The following UBXN8 variants were observed in gnomAD, a reference collection of about 807,000 sequenced individuals.
UBXN8 encodes the protein UBX domain-containing protein 8.
UBXN8 carries 27 observed loss-of-function variants against 32.1 expected under a neutral mutation model. The observed-to-expected ratio is 0.84, with a 90% CI of 0.62 to 1.16. The LOEUF is 1.16. Among genes scored for constraint, UBXN8 ranks in the 50% most tolerant of loss-of-function variants. The pLI, the probability that UBXN8 is intolerant of heterozygous loss-of-function variation, is 0.00. For synonymous variants in UBXN8, 109 were observed against 111.8 expected (o/e 0.98, Z 0.16); for missense variants, 306 against 311.4 (o/e 0.98, Z 0.13).
intron 1 of UBXN8, among the ~76,000 whole-genome samples, chr8:30,750,135 C>A (rs1409523129): frequency 1.3e-5 from 2 of 152,022 alleles, no homozygotes; most frequent in Non-Finnish European, 2.9e-5. Flanking sequence ...CCCTCTGTAT[C>A]CCTGAGTTCC....
At chr8:30,732,391 T>C (rs1306915056), upstream of UBXN8, 1 of 385,226 alleles carries the variant, frequency 2.6e-6, no homozygotes. Context: ...TGGGATTTAC[T>C]ATCCGACGGG....
intron 7 of UBXN8, 69 bp downstream of exon 7, chr8:30,763,416 TG>T: frequency 2.1e-6 from 3 of 1,437,240 alleles, no homozygotes; most frequent in Non-Finnish European, 2.9e-6. Context: ...TCACATGCCG[TG>T]GGGGAAGGTG....
chr8:30,755,009 T>G (rs1407795970), intron 4 of UBXN8, among the ~76,000 whole-genome samples: 1 of 150,994 alleles, frequency 6.6e-6, no homozygotes, highest in Non-Finnish European at 1.5e-5. Flanking sequence ...AGGCTGGAGT[T>G]CAGTGGCACA....
chr8:30,729,878 G>GT (rs1162271296), upstream of UBXN8, among the ~76,000 whole-genome samples: 1 of 151,516 alleles, frequency 6.6e-6, no homozygotes, highest in Non-Finnish European at 1.5e-5. Flanking sequence ...TAGACACTTG[G>GT]TTACCACAGT....
At position 30,747,436 on chromosome 8, in the gene UBXN8, A is replaced by C. The variant is rs866512935; in HGVS notation, c.88+3159A>C. On this transcript the variant is annotated intron_variant, in intron 1 of 7. Coordinates refer to ENST00000265616, the MANE Select transcript of UBXN8 (RefSeq NM_005671.4). The stretch of plus-strand genomic sequence containing the variant: ...AGCCATTATCCTGCCTCAGCCTCCC[A>C]ACTAGCTGGGATTACTGGTGTGCAC... Among the ~76,000 whole-genome samples the C allele has an allele frequency of 7.6e-5, 10 of 131,856 alleles. 2 individuals carry two copies. Among genetic ancestry groups the C allele is most frequent in the African/African-American group, 3.0e-4 (10 of 33,702 alleles). 86.5% of individuals were successfully genotyped at this position (131,856 alleles called of 152,430 possible).
chr8:30,749,406 A>AAAAAAAAT (rs1554577905), intron 1 of UBXN8, among the ~76,000 whole-genome samples: 8 of 114,406 alleles, frequency 7.0e-5, no homozygotes, highest in African/African-American at 2.9e-4. Context: ...AAAAAAAAAT[A>AAAAAAAAT]AAATAAATAA....
At chr8:30,738,718 G>A (rs1432846838) in intron 1 of UBXN8, among the ~76,000 whole-genome samples, 1 of 151,188 alleles carries the variant, frequency 6.6e-6, no homozygotes, top group East Asian at 1.9e-4. Flanking sequence ...CACTTTGGGA[G>A]GCTCAGGTGG....
chr8:30,766,137 T>C (rs1805996481), intron 7 of UBXN8, 90 bp from the exon 8 acceptor site: 5 of 1,336,442 alleles, frequency 3.7e-6, no homozygotes, highest in Admixed American at 2.5e-5. Flanking sequence ...TGATTTTACA[T>C]TGACAAAATT....
At chr8:30,744,054 A>G (rs149297535), upstream of UBXN8, 697 of 746,726 alleles carry the variant, frequency 9.3e-4, 3 homozygotes, top group African/African-American at 0.01. Context: ...CCCCTCAATA[A>G]CGACACGGCC....
chr8:30,744,071 A>C, upstream of UBXN8: 4 of 845,784 alleles, frequency 4.7e-6, no homozygotes, highest in Non-Finnish European at 1.9e-6. Context: ...GGCCGTCAGT[A>C]TTTACCACGT....
chr8:30,762,605 C>A (rs1299268771), intron 6 of UBXN8, among the ~76,000 whole-genome samples: 2 of 151,946 alleles, frequency 1.3e-5, no homozygotes, highest in Admixed American at 1.3e-4. Flanking sequence ...GTTGGCCAGG[C>A]TGGTCACGAA....
chr8:30,730,824 T>C (rs1353125337), upstream of UBXN8, among the ~76,000 whole-genome samples: 2 of 152,148 alleles, frequency 1.3e-5, no homozygotes, highest in South Asian at 2.1e-4. Flanking sequence ...CAGAAGACAT[T>C]AGAAGAAAAC....
At chr8:30,744,043 C>T (rs909989092), upstream of UBXN8, 7 of 690,692 alleles carry the variant, frequency 1.0e-5, no homozygotes, top group East Asian at 1.6e-4. Context: ...GGGCTTAGCT[C>T]CCCCTCAATA....
chr8:30,748,380 T>C (rs2128753641), intron 1 of UBXN8, among the ~76,000 whole-genome samples: 2 of 151,502 alleles, frequency 1.3e-5, no homozygotes, highest in African/African-American at 4.8e-5. Context: ...ATGGGACGAC[T>C]GCTTGAGCCC....
At chr8:30,751,583 T>C (rs1023962952) in intron 2 of UBXN8, 65 bp downstream of exon 2, 1 of 1,375,462 alleles carries the variant, frequency 7.3e-7, no homozygotes, top group Non-Finnish European at 9.7e-7. Flanking sequence ...TCTAGAACTT[T>C]GCACAGTAAG....
At chr8:30,732,344 A>T (rs1249702334), upstream of UBXN8, 1 of 398,188 alleles carries the variant, frequency 2.5e-6, no homozygotes, top group African/African-American at 2.1e-5. Context: ...GTGTCCAAGA[A>T]AAAAAGCTCA....
intron 1 of UBXN8, among the ~76,000 whole-genome samples, chr8:30,746,084 G>C (rs2128753092): frequency 6.6e-6 from 1 of 152,246 alleles, no homozygotes; most frequent in African/African-American, 2.4e-5. Flanking sequence ...AGACCAAATG[G>C]AATTTGTTTT....
At chr8:30,747,887 A>ATTTTT (rs1449255462) in intron 1 of UBXN8, among the ~76,000 whole-genome samples, 19 of 40,714 alleles carry the variant, frequency 4.7e-4, no homozygotes, top group Admixed American at 4.0e-3. Flanking sequence ...TTTAATATAT[A>ATTTTT]TTTTTTCTTT....
Position 30,761,001 on chromosome 8 carries a change from C to A in UBXN8, c.570+72C>A, listed in dbSNP as rs140580250. The A allele has an allele frequency of 8.4e-5, 91 of 1,079,176 alleles. 1 individual carries two copies. In the East Asian group the frequency reaches 2.4e-3, roughly 28 times the overall value. 66.9% of individuals were successfully genotyped at this position (1,079,176 alleles called of 1,614,324 possible). ...TTTGCTTAACATCCATTAAATATGT[C>A]TTATCTAAACTTGGGTTTAGAAAGA... On this transcript the variant is annotated intron_variant, in intron 6 of 7. Transcript: ENST00000265616.
Sources: allele counts gnomAD v4.1 joint callset (sites outside exome capture counted in the v4.1 genomes callset), GRCh38; gene constraint gnomAD v4.1.1; transcripts MANE v1.5; gene names NCBI Gene and HGNC (gene_info 2026-07-23, HGNC 2026-07-21).